Variants in TTC7B observed in about 807,000 individuals in gnomAD.
The protein encoded by TTC7B is tetratricopeptide repeat protein 7B.
A neutral mutation model predicts 106.8 loss-of-function variants in TTC7B; 28 were observed. The observed-to-expected ratio is 0.26, with a 90% CI of 0.19 to 0.36. TTC7B has a LOEUF of 0.36. Ranked by LOEUF, TTC7B falls within the 10% of genes least tolerant of loss-of-function variation. TTC7B has a pLI of 1.00. For synonymous variants in TTC7B, 405 were observed against 430.6 expected (o/e 0.94, Z 0.74); for missense variants, 862 against 1,076.4 (o/e 0.80, Z 2.79).
chr14:90,602,415 T>C lies in TTC7B; in HGVS notation c.1966+8327A>G, dbSNP rs1484634216. Among the ~76,000 whole-genome samples the C allele has an allele frequency of 2.6e-5, 4 of 152,344 alleles. 1 individual carries two copies. In the South Asian group the frequency reaches 8.3e-4, roughly 32 times the overall value. On this transcript the variant is annotated intron_variant, in intron 17 of 19. Coordinates refer to ENST00000328459, the MANE Select transcript of TTC7B (RefSeq NM_001010854.2). ...ATGACTTAAACACTGCCAAAAGCAC[T>C]GTTAGGCTGGGCGTGATGGCTCACG...
At chr14:90,591,805 C>A (rs911069783) in intron 18 of TTC7B, among the ~76,000 whole-genome samples, 1 of 152,234 alleles carries the variant, frequency 6.6e-6, no homozygotes, top group Non-Finnish European at 1.5e-5. Context: ...ACTAGGACAG[C>A]CATCAGAGTT....
chr14:90,731,718 G>A (rs1039952813), intron 4 of TTC7B, among the ~76,000 whole-genome samples: 5 of 152,058 alleles, frequency 3.3e-5, no homozygotes, highest in Admixed American at 6.6e-5. Flanking sequence ...AGATGCACGC[G>A]GCACCATCGG....
At chr14:90,672,238 T>C (rs1480826493) in intron 9 of TTC7B, among the ~76,000 whole-genome samples, 2 of 152,206 alleles carry the variant, frequency 1.3e-5, no homozygotes, top group African/African-American at 2.4e-5. Flanking sequence ...AATTGACTGA[T>C]GGTTTTATGA....
At chr14:90,647,943 C>T (rs953807815) in intron 13 of TTC7B, among the ~76,000 whole-genome samples, 1 of 151,932 alleles carries the variant, frequency 6.6e-6, no homozygotes, top group Non-Finnish European at 1.5e-5. Flanking sequence ...GATCTTCTAC[C>T]AGCAGAAAAC....
In TTC7B at chr14:90,529,358, G is replaced by T. The variant is rs948218942; in HGVS notation, c.*12010C>A. ...AGTCTAGCTACTGGAGCCAACCAGC[G>T]TGGCTTCGGCCAGTTAACAGACCAC... is the stretch of plus-strand genomic sequence containing the variant. On this transcript the variant is annotated 3_prime_UTR_variant, in exon 20 of 20. Coordinates refer to ENST00000328459, the MANE Select transcript of TTC7B (RefSeq NM_001010854.2). 6.6e-6 allele frequency: 1 copy of T among 152,332 alleles called. No homozygotes were observed. Among genetic ancestry groups the T allele is most frequent in the East Asian group, 1.9e-4 (1 of 5,198 alleles). The allele number at this position is 152,332 out of a possible 1,614,324, so 9.4% of individuals were successfully genotyped here. A position where few individuals can be genotyped will look rare whatever the true frequency, so the allele number is the denominator to read the frequency against.
intron 16 of TTC7B, among the ~76,000 whole-genome samples, chr14:90,615,504 G>A (rs1893033015): frequency 6.6e-6 from 1 of 152,246 alleles, no homozygotes; most frequent in South Asian, 2.1e-4. Context: ...TTATTTTAAA[G>A]AAGCCATGAT....
chr14:90,733,569 C>T (rs1566861498), intron 4 of TTC7B, among the ~76,000 whole-genome samples: 1 of 152,210 alleles, frequency 6.6e-6, no homozygotes, highest in Non-Finnish European at 1.5e-5. Context: ...TGGGCCTGGG[C>T]AGAAGCATTG....
intron 17 of TTC7B, among the ~76,000 whole-genome samples, chr14:90,596,576 C>T (rs1334304819): frequency 6.6e-6 from 1 of 152,134 alleles, no homozygotes; most frequent in Non-Finnish European, 1.5e-5. Flanking sequence ...TCCTCTAAGT[C>T]CAGCTCTGAT....
At position 90,631,408 on chromosome 14, in the gene TTC7B, A is replaced by ATT. The variant is rs752394881; in HGVS notation, c.1751+12638_1751+12639dup. 4.4e-4 allele frequency among the ~76,000 whole-genome samples: 59 copies of ATT among 133,626 alleles called. 1 individual carries two copies. The highest frequency in any genetic ancestry group is 5.7e-4 in the Non-Finnish European group (35 of 61,236). The allele number at this position is 133,626 out of a possible 152,430, so 87.7% of individuals were successfully genotyped here. On this transcript the variant is annotated intron_variant, in intron 15 of 19. Coordinates refer to ENST00000328459, the MANE Select transcript of TTC7B (RefSeq NM_001010854.2). ...ACTGTTTTCCATAGCGTCTGCACCA[A>ATT]TTTTTTTTTTTTTTTTTTGAGACAG... is the stretch of plus-strand genomic sequence containing the variant.
chr14:90,679,756 GC>G (rs1411999559), intron 8 of TTC7B, among the ~76,000 whole-genome samples: 1 of 152,208 alleles, frequency 6.6e-6, no homozygotes, highest in African/African-American at 2.4e-5. Context: ...AAGGTTTTAA[GC>G]CAGGGCCACA....
intron 19 of TTC7B, among the ~76,000 whole-genome samples, chr14:90,552,228 C>T (rs1315271580): frequency 6.6e-6 from 1 of 152,242 alleles, no homozygotes; most frequent in African/African-American, 2.4e-5. Context: ...CACACGCTGC[C>T]ACTCACTCAG....
chr14:90,699,913 T>C (rs1476893171), intron 5 of TTC7B, among the ~76,000 whole-genome samples: 1 of 152,202 alleles, frequency 6.6e-6, no homozygotes, highest in Non-Finnish European at 1.5e-5. Flanking sequence ...ACAGAGGCCT[T>C]GGCTTTATTC....
At chr14:90,683,833 G>A (rs181033498) in intron 7 of TTC7B, among the ~76,000 whole-genome samples, 6 of 152,306 alleles carry the variant, frequency 3.9e-5, no homozygotes, top group East Asian at 3.9e-4. Flanking sequence ...GGCAGCCAAC[G>A]GTGTAGCTGG....
At chr14:90,684,370 C>CAT (rs1352554258) in intron 7 of TTC7B, among the ~76,000 whole-genome samples, 49 of 151,970 alleles carry the variant, frequency 3.2e-4, no homozygotes, top group African/African-American at 7.7e-4. Flanking sequence ...AACACACACA[C>CAT]ATATATATAT....
At chr14:90,748,426 T>C (rs1890034892) in intron 3 of TTC7B, among the ~76,000 whole-genome samples, 1 of 152,142 alleles carries the variant, frequency 6.6e-6, no homozygotes, top group South Asian at 2.1e-4. Context: ...CCTCCTGGGT[T>C]CAAGCGATTC....
chr14:90,811,454 C>T (rs908217378), intron 1 of TTC7B, among the ~76,000 whole-genome samples: 4 of 152,152 alleles, frequency 2.6e-5, no homozygotes, highest in African/African-American at 9.7e-5. Flanking sequence ...GACCCTCAGG[C>T]CAGCCAGGGA....
rs79374527 is a variant in TTC7B at position 90,679,052 on chromosome 14, G to A, written c.1014+1420C>T. ...CCGGTGGGGAAGCCTGTGGAGACTC[G>A]TTCACTTGAATGCCACCTAGTGCCA... On this transcript the variant is annotated intron_variant, in intron 8 of 19. Transcript: ENST00000328459. Among the ~76,000 whole-genome samples, 432 of 152,270 alleles carry A rather than the reference G, an allele frequency of 2.8e-3. 3 individuals are homozygous for A. The highest frequency in any genetic ancestry group is 9.2e-3 in the African/African-American group (383 of 41,552).
At chr14:90,733,600 C>A (rs17721241) in intron 4 of TTC7B, among the ~76,000 whole-genome samples, 39,065 of 152,160 alleles carry the variant, frequency 0.26, 6,144 homozygotes, top group Non-Finnish European at 0.34. Flanking sequence ...CTGAAGCCAC[C>A]ACTTGTTCTG....
At chr14:90,546,436 C>T (rs1889833449) in intron 19 of TTC7B, among the ~76,000 whole-genome samples, 1 of 152,254 alleles carries the variant, frequency 6.6e-6, no homozygotes. Flanking sequence ...CTGCGTCCAA[C>T]CTTCCCTGGG....
Sources: gnomAD v4.1 joint callset for allele counts (sites outside exome capture counted in the v4.1 genomes callset) on GRCh38, gnomAD v4.1.1 for gene constraint, MANE v1.5 for transcripts, NCBI Gene and HGNC (gene_info 2026-07-23, HGNC 2026-07-21) for gene names.